ZDHHC15: variants seen among roughly 807,000 people sequenced by gnomAD.
ZDHHC15 encodes zDHHC palmitoyltransferase 15, also known as palmitoyltransferase ZDHHC15.
In ZDHHC15, 19 loss-of-function variants were observed where a neutral mutation model predicts 31.7. The observed-to-expected ratio is 0.60, with a 90% CI of 0.42 to 0.88. The LOEUF (loss-of-function observed/expected upper bound fraction) is 0.88. Ranked by LOEUF, ZDHHC15 falls within the 40% of genes least tolerant of loss-of-function variation. The pLI is 0.00. For missense variants in ZDHHC15, 209 were observed against 251.2 expected (o/e 0.83, Z 1.14); for synonymous variants, 103 against 90.0 (o/e 1.14, Z -0.82).
chrX:75,515,413 G>A (rs901258827), intron 1 of ZDHHC15, among the ~76,000 whole-genome samples: 1 of 111,307 alleles, frequency 9.0e-6, no homozygotes, highest in Non-Finnish European at 1.9e-5. Context: ...TCCCTGGGAT[G>A]CAAGGCTGGT....
intron 4 of ZDHHC15, among the ~76,000 whole-genome samples, chrX:75,447,146 T>A (rs1399139816): frequency 9.0e-6 from 1 of 111,588 alleles, no homozygotes; most frequent in Non-Finnish European, 1.9e-5. Context: ...GACTACCCAA[T>A]CTGCCAGCAG....
intron 1 of ZDHHC15, among the ~76,000 whole-genome samples, chrX:75,508,173 T>C (rs997653236): frequency 2.7e-5 from 3 of 110,603 alleles, no homozygotes; most frequent in Non-Finnish European, 3.8e-5. Flanking sequence ...TACTTTAAGT[T>C]CTAGGGTACA....
intron 11 of ZDHHC15, among the ~76,000 whole-genome samples, chrX:75,377,112 A>G (rs1480776380): frequency 8.9e-6 from 1 of 111,784 alleles, no homozygotes. Context: ...CACTGTAGTA[A>G]TTATCTACAT....
chrX:75,501,064 A>C (rs2085079988), intron 2 of ZDHHC15, among the ~76,000 whole-genome samples: 1 of 110,700 alleles, frequency 9.0e-6, no homozygotes, highest in African/African-American at 3.3e-5. Context: ...TTCGTCACCT[A>C]GGTATTATTA....
At chrX:75,401,799 C>T (rs919843994) in intron 10 of ZDHHC15, among the ~76,000 whole-genome samples, 2 of 111,870 alleles carry the variant, frequency 1.8e-5, no homozygotes, top group African/African-American at 3.3e-5. Context: ...TGGGAGACTT[C>T]CACACACCAC....
intron 3 of ZDHHC15, among the ~76,000 whole-genome samples, chrX:75,470,174 G>C (rs1156575420): frequency 3.6e-5 from 4 of 111,330 alleles, no homozygotes; most frequent in Non-Finnish European, 7.5e-5. Context: ...CATCTAATCA[G>C]CTACCAGCGA....
chrX:75,509,172 G>C (rs1011293846), intron 1 of ZDHHC15, among the ~76,000 whole-genome samples: 1 of 111,087 alleles, frequency 9.0e-6, no homozygotes, highest in South Asian at 3.8e-4. Context: ...TGACAAATGG[G>C]ATCTAATTAA....
intron 3 of ZDHHC15, among the ~76,000 whole-genome samples, chrX:75,473,624 G>T (rs965880917): frequency 9.0e-5 from 10 of 111,287 alleles, no homozygotes; most frequent in African/African-American, 3.3e-4. Context: ...CTATCAAGAT[G>T]AAATCAATTT....
chrX:75,486,763 A>AT (rs1019344994), intron 2 of ZDHHC15, among the ~76,000 whole-genome samples: 2 of 1,260 alleles, frequency 1.6e-3, no homozygotes, highest in African/African-American at 5.7e-3. Context: ...CACAGCCATA[A>AT]TCCCCTGGGA....
intron 1 of ZDHHC15, among the ~76,000 whole-genome samples, chrX:75,517,115 A>G (rs1018751825): frequency 8.9e-6 from 1 of 112,024 alleles, no homozygotes; most frequent in Non-Finnish European, 1.9e-5. Flanking sequence ...GTGGAGAAAT[A>G]GGAACACTTT....
chrX:75,383,138 C>T (rs1441024980), intron 10 of ZDHHC15, among the ~76,000 whole-genome samples: 1 of 111,994 alleles, frequency 8.9e-6, no homozygotes, highest in Non-Finnish European at 1.9e-5. Flanking sequence ...GAGCCAGGAT[C>T]TGTCACTTGC....
intron 2 of ZDHHC15, among the ~76,000 whole-genome samples, chrX:75,483,581 C>G (rs1051359187): frequency 1.8e-5 from 2 of 110,812 alleles, no homozygotes; most frequent in Non-Finnish European, 3.8e-5. Context: ...AAAATAAAAA[C>G]TAAATTAAAA....
intron 10 of ZDHHC15, among the ~76,000 whole-genome samples, chrX:75,388,963 G>A (rs1414470482): frequency 8.9e-6 from 1 of 111,808 alleles, no homozygotes; most frequent in Non-Finnish European, 1.9e-5. Context: ...AGAGGGTAGG[G>A]AAGACAGTCT....
At chrX:75,478,523 C>A (rs914527089) in intron 3 of ZDHHC15, among the ~76,000 whole-genome samples, 5 of 111,440 alleles carry the variant, frequency 4.5e-5, no homozygotes, top group African/African-American at 6.5e-5. Context: ...GCTGGGAACA[C>A]AGGTGTGCTC....
At chrX:75,401,447 C>A (rs1251034196) in intron 10 of ZDHHC15, among the ~76,000 whole-genome samples, 4 of 111,065 alleles carry the variant, frequency 3.6e-5, no homozygotes, top group Non-Finnish European at 7.5e-5. Context: ...CACAGAGTGG[C>A]AAGCTGAGTT....
chrX:75,404,221 T>C (rs916896837), intron 10 of ZDHHC15, among the ~76,000 whole-genome samples: 2 of 111,483 alleles, frequency 1.8e-5, no homozygotes, highest in African/African-American at 6.5e-5. Context: ...TATACAAAAA[T>C]CAATTCAAGA....
chrX:75,451,097 A>T, intron 3 of ZDHHC15, among the ~76,000 whole-genome samples, 175 bp from the exon 4 acceptor site: 1 of 112,109 alleles, frequency 8.9e-6, no homozygotes, highest in Non-Finnish European at 1.9e-5. Flanking sequence ...CTTTTATCTC[A>T]ATTATCAAAA....
At chrX:75,408,971 T>C (rs2083451021) in intron 10 of ZDHHC15, among the ~76,000 whole-genome samples, 1 of 112,247 alleles carries the variant, frequency 8.9e-6, no homozygotes, top group Non-Finnish European at 1.9e-5. Context: ...GAAAAATATT[T>C]CATGTGCATG....
chrX:75,485,678 A>T (rs1198925249), intron 2 of ZDHHC15, among the ~76,000 whole-genome samples: 2 of 111,340 alleles, frequency 1.8e-5, no homozygotes, highest in Non-Finnish European at 3.8e-5. Flanking sequence ...ATTTAGATGT[A>T]GCTATATCAA....
Sources: allele counts gnomAD v4.1 joint callset (sites outside exome capture counted in the v4.1 genomes callset), GRCh38; gene constraint gnomAD v4.1.1; transcripts MANE v1.5; gene names NCBI Gene and HGNC (gene_info 2026-07-23, HGNC 2026-07-21).